Variants in MPDZ observed in about 807,000 individuals in gnomAD.
The protein encoded by MPDZ is multiple PDZ domain crumbs cell polarity complex component.
MPDZ carries 234 observed loss-of-function variants against 239.1 expected under a neutral mutation model. That is an observed-to-expected ratio of 0.98 (90% confidence interval 0.88 to 1.09). MPDZ has a LOEUF of 1.09. Among genes scored for constraint, MPDZ ranks in the 50% least tolerant of loss-of-function variants. The probability of loss-of-function intolerance (pLI) is 0.00; values close to 1 mark genes in which losing one functional copy is unlikely to be tolerated. For missense variants in MPDZ, 3,175 were observed against 2,510.0 expected (o/e 1.26, Z -5.66); for synonymous variants, 1,048 against 881.3 (o/e 1.19, Z -3.35).
intron 12 of MPDZ, 42 bp downstream of exon 12, chr9:13,204,994 A>G (rs1036620314): frequency 8.1e-7 from 1 of 1,241,748 alleles, no homozygotes; most frequent in Non-Finnish European, 1.1e-6. Context: ...TCTAAAAAAG[A>G]AAAATAATGA....
intron 32 of MPDZ, among the ~76,000 whole-genome samples, chr9:13,130,613 A>G (rs1041177704): frequency 6.6e-6 from 1 of 152,258 alleles, no homozygotes. Context: ...AGTGACAAAT[A>G]AAATGAAGAC....
chr9:13,229,898 A>G (rs886082342), intron 3 of MPDZ, among the ~76,000 whole-genome samples: 5 of 152,136 alleles, frequency 3.3e-5, no homozygotes, highest in Admixed American at 3.3e-4. Context: ...GAAAGTGGTA[A>G]AAGTACTAAT....
chr9:13,262,044 C>G (rs1970804121), intron 1 of MPDZ, among the ~76,000 whole-genome samples: 1 of 151,052 alleles, frequency 6.6e-6, no homozygotes, highest in Non-Finnish European at 1.5e-5. Flanking sequence ...GACCCTGTTC[C>G]TAGAAAATGA....
At chr9:13,217,986 T>C (rs902801373) in intron 8 of MPDZ, among the ~76,000 whole-genome samples, 2 of 151,828 alleles carry the variant, frequency 1.3e-5, no homozygotes, top group Non-Finnish European at 2.9e-5. Context: ...TGGTACAATA[T>C]ATCATCAATA....
chr9:13,114,602 T>A (rs975488171), intron 40 of MPDZ, among the ~76,000 whole-genome samples: 1 of 152,162 alleles, frequency 6.6e-6, no homozygotes, highest in Admixed American at 6.5e-5. Context: ...AAAATATTTT[T>A]AAAATATGTT....
intron 16 of MPDZ, among the ~76,000 whole-genome samples, chr9:13,189,715 C>T (rs1027221951): frequency 6.6e-6 from 1 of 152,110 alleles, no homozygotes; most frequent in Non-Finnish European, 1.5e-5. Context: ...ATGATTGGAA[C>T]AGCAGAAATA....
Position 13,145,026 on chromosome 9 carries a change from T to C in MPDZ, c.3742-1462A>G, listed in dbSNP as rs530576250. On this transcript the variant is annotated intron_variant, in intron 26 of 46. Transcript: ENST00000319217. ...ATCAGAAAACAAAACTAGCAACAAA[T>C]TTAAAGAAAGCTCTAGTTTTTAAAT... 1.2e-4 allele frequency among the ~76,000 whole-genome samples: 19 copies of C among 152,186 alleles called. No individual in the cohort carries two copies. In the South Asian group the frequency reaches 3.9e-3, roughly 32 times the overall value.
intron 10 of MPDZ, among the ~76,000 whole-genome samples, chr9:13,206,511 C>T (rs1484415109): frequency 6.6e-6 from 1 of 151,936 alleles, no homozygotes; most frequent in Non-Finnish European, 1.5e-5. Context: ...ATCGTATCTT[C>T]CCAAGTAGCT....
At chr9:13,238,912 G>A (rs1184280700) in intron 3 of MPDZ, among the ~76,000 whole-genome samples, 6 of 151,974 alleles carry the variant, frequency 3.9e-5, no homozygotes, top group Non-Finnish European at 8.8e-5. Context: ...AACATGTAAT[G>A]GGTTTACTAC....
chr9:13,142,380 C>A (rs1947838176), intron 27 of MPDZ, among the ~76,000 whole-genome samples: 1 of 152,090 alleles, frequency 6.6e-6, no homozygotes. Context: ...GAGGGGCAAT[C>A]AGGTGTTATG....
Position 13,140,074 on chromosome 9 carries a change from C to T in MPDZ, c.3916G>A (p.Ala1306Thr). 1 of 1,610,380 alleles carries T rather than the reference C, an allele frequency of 6.2e-7. No homozygotes were observed. Among genetic ancestry groups the T allele is most frequent in the African/African-American group, 1.3e-5 (1 of 74,496 alleles). Residue 1306 changes from alanine to threonine, a missense_variant, in exon 28 of 47, where the codon GCC becomes ACC. Ala to Thr is a moderately conservative substitution (Grantham distance 58). Coordinates refer to ENST00000319217, the MANE Select transcript of MPDZ (RefSeq NM_001378778.1). ...SVPPPPPSAF[A>T]EMGSDHTQSS... is the part of the protein sequence containing the mutation. Reference sequence around the variant, plus strand: ...TGTGTGTGATCACTACCCATTTCGGCAAAGGCTGAAGGAGGGGGTGGGGGC... The same window carrying T: ...TGTGTGTGATCACTACCCATTTCGGTAAAGGCTGAAGGAGGGGGTGGGGGC...
At chr9:13,233,570 T>G (rs1963147351) in intron 3 of MPDZ, among the ~76,000 whole-genome samples, 1 of 152,102 alleles carries the variant, frequency 6.6e-6, no homozygotes, top group Non-Finnish European at 1.5e-5. Context: ...TTGATTTCGG[T>G]GAGGGTTACA....
In MPDZ at chr9:13,223,182, C is replaced by T. The variant is rs184638708; in HGVS notation, c.533+389G>A. Among the ~76,000 whole-genome samples the T allele has an allele frequency of 7.6e-4, 116 of 151,888 alleles. 1 individual carries two copies. The highest frequency in any genetic ancestry group is 1.4e-3 in the Non-Finnish European group (97 of 67,934). Reference sequence around the variant, plus strand: ...CCTGCAGGAGTCCTGGAACCAATTCCCCATGGATACTGAGGGGCAACTATA... The same window carrying T: ...CCTGCAGGAGTCCTGGAACCAATTCTCCATGGATACTGAGGGGCAACTATA... On this transcript the variant is annotated intron_variant, in intron 5 of 46. Transcript: ENST00000319217.
intron 10 of MPDZ, among the ~76,000 whole-genome samples, chr9:13,216,408 T>A (rs1958350405): frequency 6.7e-6 from 1 of 148,724 alleles, no homozygotes; most frequent in Non-Finnish European, 1.5e-5. Flanking sequence ...AATGCAGGCA[T>A]CCCTAATTCA....
At chr9:13,201,016 C>A (rs929690547) in intron 12 of MPDZ, among the ~76,000 whole-genome samples, 1 of 151,958 alleles carries the variant, frequency 6.6e-6, no homozygotes, top group South Asian at 2.1e-4. Flanking sequence ...GTGCAGAAGT[C>A]CCCTGCAATT....
intron 3 of MPDZ, among the ~76,000 whole-genome samples, chr9:13,226,132 A>G (rs1163013663): frequency 6.6e-6 from 1 of 152,050 alleles, no homozygotes; most frequent in African/African-American, 2.4e-5. Context: ...AGTTGGTATC[A>G]GAAGTGTGGG....
chr9:13,147,399 T>C, intron 26 of MPDZ, 149 bp downstream of exon 26: 2 of 593,610 alleles, frequency 3.4e-6, no homozygotes, highest in Non-Finnish European at 6.0e-6. Flanking sequence ...TAACTCAATT[T>C]CTGAGAAAGC....
intron 3 of MPDZ, among the ~76,000 whole-genome samples, chr9:13,237,423 CAG>C (rs1186355480): frequency 2.8e-5 from 3 of 105,812 alleles, no homozygotes. Context: ...GTCTACGTGA[CAG>C]AGCAAGACAC....
rs1345983008 is a variant in MPDZ at position 13,164,535 on chromosome 9, GA to G, written c.3255-1741del. ...GGAAAAGGTCAGGGAAGAAAGGCAG[GA>G]TAGAATAGCAAAAATAATAGCAATC... On this transcript the variant is annotated intron_variant, in intron 22 of 46. Transcript: ENST00000319217. Among the ~76,000 whole-genome samples the G allele has an allele frequency of 1.3e-4, 20 of 152,054 alleles. No homozygotes were observed. The South Asian group carries it at 4.1e-3, about 32-fold the overall frequency.
Sources: allele counts gnomAD v4.1 joint callset (sites outside exome capture counted in the v4.1 genomes callset), GRCh38; gene constraint gnomAD v4.1.1; transcripts MANE v1.5; gene names NCBI Gene and HGNC (gene_info 2026-07-23, HGNC 2026-07-21).